The following ZZEF1 variants were observed in gnomAD, a reference collection of about 807,000 sequenced individuals.
ZZEF1 encodes the protein zinc finger ZZ-type and EF-hand domain-containing protein 1.
Under a neutral mutation model 342.8 loss-of-function variants are expected in ZZEF1, and 157 were observed. The ratio of observed to expected loss-of-function variants is 0.46; its 90% CI spans 0.40 to 0.52. ZZEF1 has a LOEUF of 0.52. Ranked by LOEUF, ZZEF1 falls within the 20% of genes least tolerant of loss-of-function variation. The probability of loss-of-function intolerance (pLI) is 0.00; values close to 1 mark genes in which losing one functional copy is unlikely to be tolerated. For missense variants in ZZEF1, 3,480 were observed against 3,725.6 expected (o/e 0.93, Z 1.72); for synonymous variants, 1,505 against 1,429.1 (o/e 1.05, Z -1.20).
chr17:4,091,757 A>G (rs144511346), intron 11 of ZZEF1, among the ~76,000 whole-genome samples: 1 of 151,786 alleles, frequency 6.6e-6, no homozygotes, highest in African/African-American at 2.4e-5. Context: ...AGCCTGGGTG[A>G]CAGAGCAAGG....
At chr17:4,007,132 A>G (rs569883842) in intron 54 of ZZEF1, among the ~76,000 whole-genome samples, 162 bp from the exon 55 acceptor site, 1 of 152,176 alleles carries the variant, frequency 6.6e-6, no homozygotes, top group Non-Finnish European at 1.5e-5. Flanking sequence ...GAGAAAAAAA[A>G]TGCTATTAAG....
rs890849709 is a variant in ZZEF1, at chr17:4,039,207, C to T, written c.6306+3222G>A. ...TCCTGGCCAGGCGCAGTGGCTCACG[C>T]CTGTAATCCCAGCACTTTGGGAGGC... On this transcript the variant is annotated intron_variant, in intron 39 of 54. Coordinates refer to ENST00000381638, the MANE Select transcript of ZZEF1 (RefSeq NM_015113.4). Among the ~76,000 whole-genome samples the T allele has an allele frequency of 2.0e-5, 3 of 152,252 alleles. No individual in the cohort carries two copies. In the South Asian group the frequency reaches 6.2e-4, roughly 32 times the overall value.
intron 2 of ZZEF1, among the ~76,000 whole-genome samples, chr17:4,120,111 C>A (rs1158874514): frequency 6.6e-6 from 1 of 152,046 alleles, no homozygotes. Context: ...AATCCCAGCA[C>A]TTTTGGGAGG....
At chr17:4,082,068 C>T (rs1487464097) in intron 17 of ZZEF1, among the ~76,000 whole-genome samples, 1 of 152,186 alleles carries the variant, frequency 6.6e-6, no homozygotes, top group African/African-American at 2.4e-5. Flanking sequence ...AAGACCTCCC[C>T]TCCCAGCACA....
At chr17:4,062,695 A>C in intron 30 of ZZEF1, 58 bp downstream of exon 30, 1 of 1,480,560 alleles carries the variant, frequency 6.8e-7, no homozygotes, top group South Asian at 1.3e-5. Context: ...GAAGATAATC[A>C]GGATTTATTT....
rs528014656 is a variant in ZZEF1, at chr17:4,126,220, C to T, written c.355-2169G>A. ...GCCTGGGTGACAGAGAGCAAGACTC[C>T]GTCTCAAAAAAAAAAAAAAAAAAAA... On this transcript the variant is annotated intron_variant, in intron 1 of 54. Coordinates refer to ENST00000381638, the MANE Select transcript of ZZEF1 (RefSeq NM_015113.4). 6.1e-5 allele frequency among the ~76,000 whole-genome samples: 5 copies of T among 82,026 alleles called. No individual in the cohort carries two copies. In the East Asian group the frequency reaches 1.5e-3, roughly 25 times the overall value. The allele number at this position is 82,026 out of a possible 152,430, so 53.8% of individuals were successfully genotyped here.
chr17:4,073,390 T>C (rs533407619), intron 24 of ZZEF1, among the ~76,000 whole-genome samples: 2 of 152,332 alleles, frequency 1.3e-5, no homozygotes, highest in African/African-American at 4.8e-5. Context: ...GTAATTCTTG[T>C]TCCCTGGAAG....
At position 4,044,430 on chromosome 17, in the gene ZZEF1, T is replaced by C. The variant is rs1043651515; in HGVS notation, c.6016-56A>G. 2.6e-6 allele frequency: 4 copies of C among 1,518,178 alleles called. No homozygotes were observed. The African/African-American group carries it at 5.6e-5, about 21-fold the overall frequency. 94.0% of individuals were successfully genotyped at this position (1,518,178 alleles called of 1,614,324 possible). A position where few individuals can be genotyped will look rare whatever the true frequency, so the allele number is the denominator to read the frequency against. ...GTTTCTTATAACAAAGTTTGCTCCA[T>C]GATTATGATAACTTTTTAATGATTA... On this transcript the variant is annotated intron_variant, in intron 37 of 54. Coordinates refer to ENST00000381638, the MANE Select transcript of ZZEF1 (RefSeq NM_015113.4).
intron 34 of ZZEF1, among the ~76,000 whole-genome samples, chr17:4,052,364 G>A (rs988242774): frequency 1.3e-5 from 2 of 152,174 alleles, no homozygotes; most frequent in African/African-American, 4.8e-5. Flanking sequence ...GAGATCAAAT[G>A]CATTATCAGG....
intron 2 of ZZEF1, among the ~76,000 whole-genome samples, chr17:4,121,269 T>C (rs1055352799): frequency 3.9e-5 from 6 of 152,216 alleles, no homozygotes; most frequent in African/African-American, 1.4e-4. Flanking sequence ...CTCCTGATGC[T>C]ATCCACATGC....
chr17:4,085,604 C>G, intron 16 of ZZEF1, 66 bp downstream of exon 16: 1 of 1,598,244 alleles, frequency 6.3e-7, no homozygotes, highest in Non-Finnish European at 8.5e-7. Context: ...TCAGAGGTAA[C>G]AAAGCCTAGC....
At chr17:4,130,786 A>G (rs2058651009) in intron 1 of ZZEF1, among the ~76,000 whole-genome samples, 1 of 152,206 alleles carries the variant, frequency 6.6e-6, no homozygotes, top group South Asian at 2.1e-4. Context: ...ACTGAAGGAC[A>G]TGAGTTCCGT....
intron 42 of ZZEF1, among the ~76,000 whole-genome samples, chr17:4,028,884 A>G (rs533127466): frequency 1.0e-4 from 16 of 152,388 alleles, no homozygotes; most frequent in African/African-American, 3.8e-4. Flanking sequence ...CTAAAGGATG[A>G]CTACTCTATG....
chr17:4,142,971 G>C lies in ZZEF1; in HGVS notation c.-76C>G. 1 of 1,274,144 alleles carries C rather than the reference G, an allele frequency of 7.8e-7. No individual in the cohort carries two copies. The highest frequency in any genetic ancestry group is 9.9e-7 in the Non-Finnish European group (1 of 1,014,272). 78.9% of individuals were successfully genotyped at this position (1,274,144 alleles called of 1,614,324 possible). On this transcript the variant is annotated 5_prime_UTR_variant, in exon 1 of 55. Coordinates refer to ENST00000381638, the MANE Select transcript of ZZEF1 (RefSeq NM_015113.4). ...CGCCTCGACCTGTCAACCTCCGACA[G>C]CAGCTGGCGGGCGGGGACGCGGAGG...
chr17:4,034,610 C>G (rs920296445), intron 39 of ZZEF1, among the ~76,000 whole-genome samples: 16 of 152,282 alleles, frequency 1.1e-4, no homozygotes, highest in Middle Eastern at 3.4e-3. Context: ...TCCCCTAAAT[C>G]CCCTCCCTGC....
intron 13 of ZZEF1, among the ~76,000 whole-genome samples, chr17:4,087,983 T>A (rs1464587095): frequency 6.6e-6 from 1 of 152,196 alleles, no homozygotes; most frequent in East Asian, 1.9e-4. Context: ...TCCAGGCTTC[T>A]CCTTCTTATT....
intron 31 of ZZEF1, 50 bp downstream of exon 31, chr17:4,059,121 C>G (rs759523012): frequency 7.6e-6 from 11 of 1,440,160 alleles, no homozygotes; most frequent in Non-Finnish European, 1.0e-5. Flanking sequence ...CTTTTATAAT[C>G]AGAAAAAAAT....
chr17:4,086,515 G>A lies in ZZEF1; in HGVS notation c.2483C>T (p.Ala828Val), dbSNP rs766105145. The part of the protein sequence containing the change: ...PIQSPKGVEA[A>V]KELYTHLCDV... ...ACACAAGTGTGTGTACAGCTCCTTG[G>A]CAGCCTCTACTCCTTTAGGGCTTTG... The change falls in exon 15 of 55, where the codon GCC becomes GTC. Residue 828 changes from alanine (A) to valine (V), a missense_variant. Coordinates refer to ENST00000381638, the MANE Select transcript of ZZEF1 (RefSeq NM_015113.4). 6.2e-7 allele frequency: 1 copy of A among 1,614,178 alleles called. No homozygotes were observed. The highest frequency in any genetic ancestry group is 2.2e-5 in the East Asian group (1 of 44,888).
Position 4,064,629 on chromosome 17 carries a change from T to G in ZZEF1, c.4450A>C (p.Thr1484Pro). Residue 1484 changes from threonine (T) to proline (P), a missense_variant, in exon 29 of 55, where the codon ACA (threonine) becomes CCA (proline). Around this residue, in one of 5 missense-constraint regions of ZZEF1, gnomAD observed 1,528 missense variants for 1,624.1 expected, o/e 0.94. Transcript: ENST00000381638. ...CCCAGGCCAGGACTCTGGTCTCCTG[T>G]GGCAGGGGGTGCGGCTTCAGTGGGA... ...VSPTEAAPPATGDQSPGLGTQ... is the reference protein window; with the variant it reads ...VSPTEAAPPAPGDQSPGLGTQ... The G allele has an allele frequency of 3.7e-6, 6 of 1,614,164 alleles. No individual in the cohort carries two copies. The highest frequency in any genetic ancestry group is 5.1e-6 in the Non-Finnish European group (6 of 1,180,016).
Sources: allele counts gnomAD v4.1 joint callset (sites outside exome capture counted in the v4.1 genomes callset), GRCh38; gene constraint gnomAD v4.1.1; regional missense constraint gnomAD v4.1.1; transcripts MANE v1.5; gene names NCBI Gene and HGNC (gene_info 2026-07-23, HGNC 2026-07-21).